The following JAK1 variants were observed in gnomAD, a reference collection of about 807,000 sequenced individuals.
The protein encoded by JAK1 is Janus kinase 1, also known as tyrosine-protein kinase JAK1.
In JAK1, 16 loss-of-function variants were observed where a neutral mutation model predicts 136.6. The observed-to-expected ratio is 0.12, with a 90% confidence interval of 0.08 to 0.18. The LOEUF (loss-of-function observed/expected upper bound fraction) is 0.18, where lower values mean the gene tolerates loss of function less well. JAK1 is among the 10% of genes least tolerant of loss of function. JAK1 has a pLI of 1.00. For missense variants in JAK1, 859 were observed against 1,450.1 expected (o/e 0.59, Z 6.62); for synonymous variants, 492 against 519.5 (o/e 0.95, Z 0.72).
intron 1 of JAK1, among the ~76,000 whole-genome samples, chr1:65,055,395 C>T (rs1647486787): frequency 6.6e-6 from 1 of 152,192 alleles, no homozygotes; most frequent in South Asian, 2.1e-4. Flanking sequence ...CATTTATCTA[C>T]TTATCCATCA....
At chr1:64,850,732 C>T (rs1655533056) in intron 12 of JAK1, 72 bp downstream of exon 12, 1 of 1,004,446 alleles carries the variant, frequency 1.0e-6, no homozygotes, top group African/African-American at 1.6e-5. Flanking sequence ...CTTCCTTCCC[C>T]CAGATCCCCA....
In JAK1 at chr1:64,844,634, C is replaced by G; in HGVS notation, c.2251+120G>C. On this transcript the variant is annotated intron_variant, in intron 16 of 24. Coordinates refer to ENST00000342505, the MANE Select transcript of JAK1 (RefSeq NM_002227.4). The surrounding 1 kb of genome is among the most constrained non-coding windows in gnomAD (Gnocchi z 5.7). ...TGGCCAACATGGTGAAACCCCGTCT[C>G]TACTAAAATACAAAAAAAAAATGAC... 2 of 1,182,230 alleles carry G rather than the reference C, an allele frequency of 1.7e-6. No homozygotes were observed. The highest frequency in any genetic ancestry group is 2.4e-6 in the Non-Finnish European group (2 of 825,870). 73.2% of individuals were successfully genotyped at this position (1,182,230 alleles called of 1,614,324 possible).
At chr1:64,958,201 T>C (rs1646224669) in intron 1 of JAK1, among the ~76,000 whole-genome samples, 1 of 152,180 alleles carries the variant, frequency 6.6e-6, no homozygotes, top group South Asian at 2.1e-4. Flanking sequence ...TTGTAGATGG[T>C]AGGTGGCCTG....
At chr1:64,886,751 TACACACACACACACACACACAC>T (rs3838404) in intron 1 of JAK1, among the ~76,000 whole-genome samples, 2 of 138,944 alleles carry the variant, frequency 1.4e-5, no homozygotes, top group South Asian at 2.3e-4. Flanking sequence ...CAACCTTGTC[TACACACACACACACACACACAC>T]ACACACACAC....
chr1:65,061,906 C>T (rs1647806629), intron 1 of JAK1, among the ~76,000 whole-genome samples: 1 of 152,148 alleles, frequency 6.6e-6, no homozygotes, highest in African/African-American at 2.4e-5. Context: ...GACCACCGCC[C>T]TATACAAAGT....
At chr1:64,853,046 A>T (rs1041354311) in intron 11 of JAK1, among the ~76,000 whole-genome samples, 1 of 152,126 alleles carries the variant, frequency 6.6e-6, no homozygotes, top group African/African-American at 2.4e-5. Flanking sequence ...TATTTATCCC[A>T]TGAAGAGTTT....
chr1:65,021,612 GT>G, intron 2 of JAK1, among the ~76,000 whole-genome samples: 1 of 152,272 alleles, frequency 6.6e-6, no homozygotes, highest in African/African-American at 2.4e-5. Context: ...ATGCTAAGAA[GT>G]TGTTCATTGA....
chr1:65,053,030 CAAAAA>C (rs780968006), intron 1 of JAK1, among the ~76,000 whole-genome samples: 2 of 43,706 alleles, frequency 4.6e-5, no homozygotes, highest in Admixed American at 2.8e-4. Flanking sequence ...ACTCTTGTCT[CAAAAA>C]AAAAAAAAAA....
chr1:64,918,138 G>A (rs1385993182), intron 1 of JAK1, among the ~76,000 whole-genome samples: 5 of 152,206 alleles, frequency 3.3e-5, no homozygotes, highest in Non-Finnish European at 7.3e-5. Flanking sequence ...TTACCTCTGA[G>A]GGAAGTGCAG....
chr1:64,892,573 A>AC (rs1644955348), intron 1 of JAK1, among the ~76,000 whole-genome samples: 1 of 152,116 alleles, frequency 6.6e-6, no homozygotes, highest in African/African-American at 2.4e-5. Context: ...GCATGAACCA[A>AC]CTCACCCAGG....
intron 1 of JAK1, among the ~76,000 whole-genome samples, chr1:64,955,666 G>C (rs1052761817): frequency 1.3e-5 from 2 of 152,182 alleles, no homozygotes; most frequent in African/African-American, 2.4e-5. Flanking sequence ...AGTCAGACAC[G>C]GAAAGATAAA....
At chr1:64,945,447 G>A (rs1052800227) in intron 1 of JAK1, among the ~76,000 whole-genome samples, 39 of 152,084 alleles carry the variant, frequency 2.6e-4, no homozygotes, top group African/African-American at 9.2e-4. Flanking sequence ...CCCTTACATG[G>A]GGACTGGTTA....
chr1:64,916,953 C>T (rs1441483416), intron 1 of JAK1, among the ~76,000 whole-genome samples: 1 of 151,692 alleles, frequency 6.6e-6, no homozygotes, highest in Non-Finnish European at 1.5e-5. Flanking sequence ...GTCTGAATTC[C>T]TAAAGAAAAG....
chr1:64,855,338 C>G (rs1380737931), intron 11 of JAK1, among the ~76,000 whole-genome samples, 171 bp downstream of exon 11: 2 of 152,198 alleles, frequency 1.3e-5, no homozygotes, highest in Non-Finnish European at 2.9e-5. Context: ...TGCTCACACT[C>G]AAGGGATTGG....
At chr1:64,899,111 G>C (rs1553025) in intron 1 of JAK1, among the ~76,000 whole-genome samples, 119,476 of 152,138 alleles carry the variant, frequency 0.79, 48,298 homozygotes, top group Non-Finnish European at 0.89. Flanking sequence ...ACAATAATTT[G>C]AAGTATCATT....
At chr1:64,886,782 AC>A (rs1367394081) in intron 1 of JAK1, among the ~76,000 whole-genome samples, 1,658 of 129,842 alleles carry the variant, frequency 0.013, 28 homozygotes, top group African/African-American at 0.042. Flanking sequence ...ACACACACAC[AC>A]ACACACACAG....
At chr1:64,981,391 G>A (rs1026850166) in intron 2 of JAK1, among the ~76,000 whole-genome samples, 1 of 152,104 alleles carries the variant, frequency 6.6e-6, no homozygotes, top group Admixed American at 6.6e-5. Flanking sequence ...TTCCAGTACG[G>A]CAGGCTTTTC....
intron 2 of JAK1, among the ~76,000 whole-genome samples, chr1:65,002,681 C>G (rs957279849): frequency 6.6e-6 from 1 of 152,246 alleles, no homozygotes; most frequent in Non-Finnish European, 1.5e-5. Context: ...TCCGAAAGTG[C>G]GAGCCTGGCC....
Position 64,841,275 on chromosome 1 carries a change from G to C in JAK1, c.2619C>G (p.Arg873=), listed in dbSNP as rs534080921. ...CCAAGTCACGGATCCTCTTTAGGAA[G>C]CGCTTTTCAAAATGTGTGGGGTCCA... ...TEVDPTHFEK[R]FLKRIRDLGE... is the part of the protein sequence containing the mutation. The change falls in exon 19 of 25, where the codon CGC becomes CGG. Residue 873 remains arginine (R), a synonymous_variant. Transcript: ENST00000342505. 8.7e-5 allele frequency: 140 copies of C among 1,614,096 alleles called. 2 individuals carry two copies. In the South Asian group the frequency reaches 1.5e-3, roughly 17 times the overall value.
Sources: allele counts gnomAD v4.1 joint callset (sites outside exome capture counted in the v4.1 genomes callset), GRCh38; gene constraint gnomAD v4.1.1; non-coding constraint Gnocchi (gnomAD v3.1); transcripts MANE v1.5; gene names NCBI Gene and HGNC (gene_info 2026-07-23, HGNC 2026-07-21).